The following HOXA5 variants were observed in gnomAD, a reference collection of about 807,000 sequenced individuals.
The protein encoded by HOXA5 is homeobox protein Hox-A5.
In HOXA5, 12 loss-of-function variants were observed where a neutral mutation model predicts 20.0. The observed-to-expected ratio is 0.60, with a 90% CI of 0.38 to 0.97. HOXA5 has a LOEUF of 0.97. Among genes scored for constraint, HOXA5 ranks in the 50% least tolerant of loss-of-function variants. The probability of loss-of-function intolerance (pLI) is 0.00; values close to 1 mark genes in which losing one functional copy is unlikely to be tolerated. For synonymous variants in HOXA5, 159 were observed against 157.7 expected, an observed-to-expected ratio of 1.01 and a Z score of -0.06; for missense variants, 352 against 380.3, an observed-to-expected ratio of 0.93 and a Z score of 0.62.
chr7:27,143,010 C>T, intron 1 of HOXA5, 36 bp downstream of exon 1: 2 of 1,489,320 alleles, frequency 1.3e-6, no homozygotes, highest in Non-Finnish European at 1.8e-6. Context: ...GCCGCGTCCC[C>T]GCGGTCGCGT....
At position 27,142,009 on chromosome 7, in the gene HOXA5, C is replaced by T; in HGVS notation, c.639G>A (p.Glu213=). 1 of 1,614,210 alleles carries T rather than the reference C, an allele frequency of 6.2e-7. No individual in the cohort carries two copies. The highest frequency in any genetic ancestry group is 1.1e-5 in the South Asian group (1 of 91,086). The change falls in exon 2 of 2, where the codon GAG becomes GAA. Residue 213 remains glutamate (E), a synonymous_variant. Transcript: ENST00000222726. Reference sequence around the variant, plus strand: ...GGGTCAGGTAACGGTTGAAGTGGAACTCCTTCTCCAGCTCCAGGGTCTGGT... The same window carrying T: ...GGGTCAGGTAACGGTTGAAGTGGAATTCCTTCTCCAGCTCCAGGGTCTGGT... ...TRYQTLELEK[E]FHFNRYLTRR...
In HOXA5 at chr7:27,141,500, CG is replaced by C. The variant is rs1293552358; in HGVS notation, c.*334del. On this transcript the variant is annotated 3_prime_UTR_variant, in exon 2 of 2. Transcript: ENST00000222726. ...TGCAACACACAACATTGGCACTAAA[CG>C]AGATTGAAGGGGGACTTTTTGTGTG... The C allele has an allele frequency of 1.7e-5, 4 of 235,584 alleles. No individual in the cohort carries two copies. The highest frequency in any genetic ancestry group is 9.3e-5 in the African/African-American group (4 of 43,184). The allele number at this position is 235,584 out of a possible 1,614,324, so 14.6% of individuals were successfully genotyped here.
chr7:27,142,800 T>C (rs908327761), intron 1 of HOXA5: 1 of 452,710 alleles, frequency 2.2e-6, no homozygotes, highest in South Asian at 5.4e-5. Context: ...GGTTTTTTGC[T>C]TCCTCCCCCT....
At position 27,143,548 on chromosome 7, in the gene HOXA5, C is replaced by T. The variant is rs1439080665; in HGVS notation, c.60G>A (p.Gln20=). ...CGRYPNGPDY[Q]LHNYGDHSSV... is the part of the protein sequence containing the mutation. ...AACTATGATCTCCATAATTATGCAA[C>T]TGGTAGTCCGGGCCATTTGGATAGC... Residue 20 remains glutamine (Q), a synonymous_variant, in exon 1 of 2, where the codon CAG becomes CAA. Transcript: ENST00000222726. The T allele has an allele frequency of 2.5e-6, 4 of 1,611,122 alleles. No individual in the cohort carries two copies. The highest frequency in any genetic ancestry group is 1.1e-5 in the South Asian group (1 of 90,404).
chr7:27,141,736 C>T lies in HOXA5; in HGVS notation c.*99G>A. 1.4e-6 allele frequency: 2 copies of T among 1,465,332 alleles called. No homozygotes were observed. Among genetic ancestry groups the T allele is most frequent in the Non-Finnish European group, 1.8e-6 (2 of 1,082,156 alleles). 90.8% of individuals were successfully genotyped at this position (1,465,332 alleles called of 1,614,324 possible). A position where few individuals can be genotyped will look rare whatever the true frequency, so the allele number is the denominator to read the frequency against. On this transcript the variant is annotated 3_prime_UTR_variant, in exon 2 of 2. Transcript: ENST00000222726. Reference sequence around the variant, plus strand: ...AATTAGGGCAACGAGAACAGGGCTTCTTCACAGAAGGAACACAAGGGAGTT... The same window carrying T: ...AATTAGGGCAACGAGAACAGGGCTTTTTCACAGAAGGAACACAAGGGAGTT...
At chr7:27,142,407 G>A (rs997010498) in intron 1 of HOXA5, among the ~76,000 whole-genome samples, 1 of 152,118 alleles carries the variant, frequency 6.6e-6, no homozygotes, top group Non-Finnish European at 1.5e-5. Flanking sequence ...GCTGCCCACC[G>A]CACAGAAACC....
chr7:27,143,306 A>G lies in HOXA5; in HGVS notation c.302T>C (p.Leu101Pro), dbSNP rs1390012104. Residue 101 changes from leucine to proline, a missense_variant, in exon 1 of 2, where the codon CTG becomes CCG. Physicochemically the swap from Leu to Pro is moderately conservative, Grantham distance 98. This residue lies in a region of HOXA5 where 319 missense variants were observed against 336.5 expected (regional missense o/e 0.95). Transcript: ENST00000222726. ...TSTHSPQPDP[L>P]PCSAVAPSPG... ...CGAGGGGGCCACGGCGGAGCAGGGCAGCGGATCGGGCTGAGGAGAGTGCGT... is the reference window on the plus strand; with the variant it reads ...CGAGGGGGCCACGGCGGAGCAGGGCGGCGGATCGGGCTGAGGAGAGTGCGT... 1.7e-5 allele frequency: 27 copies of G among 1,600,672 alleles called. No individual in the cohort carries two copies. Among genetic ancestry groups the G allele is most frequent in the Non-Finnish European group, 2.3e-5 (27 of 1,176,524 alleles).
Position 27,141,113 on chromosome 7 carries a change from C to CAAAAAAAAAAAAAAAA in HOXA5, c.*706_*721dup, listed in dbSNP as rs147485948. The stretch of plus-strand genomic sequence containing the variant: ...AGTATTTTTTCCTTAAAAACAAATA[C>CAAAAAAAAAAAAAAAA]AAAAAAAAAAAAAAAAAAAAAAAAG... On this transcript the variant is annotated 3_prime_UTR_variant, in exon 2 of 2. Transcript: ENST00000222726. 7 of 82,918 alleles carry CAAAAAAAAAAAAAAAA rather than the reference C, an allele frequency of 8.4e-5. No individual in the cohort carries two copies. The highest frequency in any genetic ancestry group is 9.8e-5 in the African/African-American group (2 of 20,384). 5.1% of individuals were successfully genotyped at this position (82,918 alleles called of 1,614,324 possible). A position where few individuals can be genotyped will look rare whatever the true frequency, so the allele number is the denominator to read the frequency against.
In HOXA5 at chr7:27,141,437, G is replaced by A. The variant is rs568152628; in HGVS notation, c.*398C>T. The A allele has an allele frequency of 1.2e-4, 20 of 171,208 alleles. 1 individual carries two copies. In the South Asian group the frequency reaches 2.2e-3, roughly 19 times the overall value. 10.6% of individuals were successfully genotyped at this position (171,208 alleles called of 1,614,324 possible). On this transcript the variant is annotated 3_prime_UTR_variant, in exon 2 of 2. Transcript: ENST00000222726. ...TAACAGCTTGGAGCTATTGAGACAG[G>A]AACACTTCCACGCACATGCACAGTT...
chr7:27,142,432 C>A (rs988520317), intron 1 of HOXA5, among the ~76,000 whole-genome samples: 8 of 152,180 alleles, frequency 5.3e-5, no homozygotes, highest in African/African-American at 1.9e-4. Flanking sequence ...AAGCAAGGCC[C>A]TTTCCTGAGC....
rs779199840 is a variant in HOXA5 at position 27,143,302 on chromosome 7, G to A, written c.306C>T (p.Pro102=). Residue 102 remains proline (P), a synonymous_variant, in exon 1 of 2, where the codon CCC becomes CCT. Transcript: ENST00000222726. ...STHSPQPDPL[P]CSAVAPSPGS... ...CGGGCGAGGGGGCCACGGCGGAGCA[G>A]GGCAGCGGATCGGGCTGAGGAGAGT... The A allele has an allele frequency of 8.1e-6, 13 of 1,601,806 alleles. No homozygotes were observed. The highest frequency in any genetic ancestry group is 1.0e-5 in the Non-Finnish European group (12 of 1,176,910).
chr7:27,141,996 G>T lies in HOXA5; in HGVS notation c.652C>A (p.Arg218Ser). 2.5e-6 allele frequency: 4 copies of T among 1,614,216 alleles called. No homozygotes were observed. The highest frequency in any genetic ancestry group is 1.3e-5 in the African/African-American group (1 of 75,054). The stretch of plus-strand genomic sequence containing the variant: ...ATCCTCCTTCTGCGGGTCAGGTAAC[G>T]GTTGAAGTGGAACTCCTTCTCCAGC... The part of the protein sequence containing the change: ...LELEKEFHFN[R>S]YLTRRRRIEI... Residue 218 changes from arginine to serine, a missense_variant, in exon 2 of 2, where the codon CGT (arginine) becomes AGT (serine). Physicochemically the swap from Arg to Ser is moderately radical, Grantham distance 110. This residue lies in a region of HOXA5 where 319 missense variants were observed against 336.5 expected (regional missense o/e 0.95). Transcript: ENST00000222726.
Position 27,141,433 on chromosome 7 carries a change from A to ACTCCACTTC in HOXA5, c.*401_*402insGAAGTGGAG, listed in dbSNP as rs1451495006. The ACTCCACTTC allele has an allele frequency of 1.8e-5, 3 of 170,706 alleles. No homozygotes were observed. The highest frequency in any genetic ancestry group is 7.2e-5 in the African/African-American group (3 of 41,680). The allele number at this position is 170,706 out of a possible 1,614,324, so 10.6% of individuals were successfully genotyped here. A position where few individuals can be genotyped will look rare whatever the true frequency, so the allele number is the denominator to read the frequency against. ...TCTTTAACAGCTTGGAGCTATTGAGACAGGAACACTTCCACGCACATGCAC... is the reference window on the plus strand; with the variant it reads ...TCTTTAACAGCTTGGAGCTATTGAGACTCCACTTCCAGGAACACTTCCACGCACATGCAC... On this transcript the variant is annotated 3_prime_UTR_variant, in exon 2 of 2. Coordinates refer to ENST00000222726, the MANE Select transcript of HOXA5 (RefSeq NM_019102.4).
Position 27,143,380 on chromosome 7 carries a change from G to T in HOXA5, c.228C>A (p.Ser76Arg), listed in dbSNP as rs762450812. Residue 76 changes from serine (S) to arginine (R), a missense_variant, in exon 1 of 2, where the codon AGC (serine) becomes AGA (arginine). This residue lies in a region of HOXA5 where 319 missense variants were observed against 336.5 expected (regional missense o/e 0.95). Coordinates refer to ENST00000222726, the MANE Select transcript of HOXA5 (RefSeq NM_019102.4). ...TGGGCTCGGCGGGCGCCGCGCTGGC[G>T]CTGGCAGCGTAGCTGCGGGCGCGCT... The part of the protein sequence containing the change: ...SGERARSYAA[S>R]ASAAPAEPRY... 10 of 1,596,166 alleles carry T rather than the reference G, an allele frequency of 6.3e-6. No individual in the cohort carries two copies. In the South Asian group the frequency reaches 1.1e-4, roughly 18 times the overall value.
rs745686401 is a variant in HOXA5 at position 27,143,448 on chromosome 7, G to A, written c.160C>T (p.Leu54Phe). The A allele has an allele frequency of 1.2e-6, 2 of 1,613,616 alleles. No individual in the cohort carries two copies. The highest frequency in any genetic ancestry group is 1.7e-6 in the Non-Finnish European group (2 of 1,179,928). The change falls in exon 1 of 2, where the codon CTC (leucine) becomes TTC (phenylalanine). Residue 54 changes from leucine to phenylalanine, a missense_variant. Physicochemically the swap from Leu to Phe is conservative, Grantham distance 22. This residue lies in a region of HOXA5 where 319 missense variants were observed against 336.5 expected (regional missense o/e 0.95). Transcript: ENST00000222726. The part of the protein sequence containing the change: ...RYGYGYNGMD[L>F]SVGRSGSGHF... ...CCGGAGCCCGAGCGGCCGACGCTGA[G>A]ATCCATGCCATTGTAGCCGTAGCCG...
chr7:27,143,018 C>A lies in HOXA5; in HGVS notation c.562+28G>T, dbSNP rs1782628845. The A allele has an allele frequency of 3.3e-6, 5 of 1,494,390 alleles. No homozygotes were observed. In the African/African-American group the frequency reaches 5.8e-5, roughly 17 times the overall value. 92.6% of individuals were successfully genotyped at this position (1,494,390 alleles called of 1,614,324 possible). On this transcript the variant is annotated intron_variant, in intron 1 of 1. Transcript: ENST00000222726. ...ACCGAGAGCCGCGTCCCCGCGGTCG[C>A]GTGGATTTAGAAAAAGGCTGGCTTT... is the stretch of plus-strand genomic sequence containing the variant.
chr7:27,142,237 C>CT (rs1346760392), intron 1 of HOXA5, 152 bp from the exon 2 acceptor site: 1 of 777,370 alleles, frequency 1.3e-6, no homozygotes, highest in Admixed American at 2.9e-5. Flanking sequence ...TTCCTTCTCT[C>CT]TTCCTTTCTA....
chr7:27,141,526 GTTT>G lies in HOXA5; in HGVS notation c.*306_*308del, dbSNP rs5883063. 4.6e-6 allele frequency: 1 copy of G among 216,368 alleles called. No individual in the cohort carries two copies. The highest frequency in any genetic ancestry group is 9.2e-6 in the Non-Finnish European group (1 of 108,868). 13.4% of individuals were successfully genotyped at this position (216,368 alleles called of 1,614,324 possible). A position where few individuals can be genotyped will look rare whatever the true frequency, so the allele number is the denominator to read the frequency against. On this transcript the variant is annotated 3_prime_UTR_variant, in exon 2 of 2. Coordinates refer to ENST00000222726, the MANE Select transcript of HOXA5 (RefSeq NM_019102.4). Reference sequence around the variant, plus strand: ...GAGATTGAAGGGGGACTTTTTGTGTGTTTTTTTTTCTCTTTTCTTTTTTTGTTA... The same window carrying G: ...GAGATTGAAGGGGGACTTTTTGTGTGTTTTTTCTCTTTTCTTTTTTTGTTA...
In HOXA5 at chr7:27,142,974, G is replaced by A. The variant is rs906619881; in HGVS notation, c.562+72C>T. 10 of 1,339,144 alleles carry A rather than the reference G, an allele frequency of 7.5e-6. No homozygotes were observed. In the African/African-American group the frequency reaches 1.5e-4, roughly 20 times the overall value. 83.0% of individuals were successfully genotyped at this position (1,339,144 alleles called of 1,614,324 possible). ...AGACCAAGAGAGACTGGGAGAGGGC[G>A]GCAGAGAAGAGAGGGGGGACCGAGA... On this transcript the variant is annotated intron_variant, in intron 1 of 1. Transcript: ENST00000222726.
Sources: allele counts gnomAD v4.1 joint callset (sites outside exome capture counted in the v4.1 genomes callset), GRCh38; gene constraint gnomAD v4.1.1; regional missense constraint gnomAD v4.1.1; transcripts MANE v1.5; gene names NCBI Gene and HGNC (gene_info 2026-07-23, HGNC 2026-07-21).